The following ERG variants were observed in gnomAD, a reference collection of about 807,000 sequenced individuals.
ERG encodes transcriptional regulator ERG.
In ERG, 9 loss-of-function variants were observed where a neutral mutation model predicts 55.3. The observed-to-expected ratio is 0.16, with a 90% CI of 0.10 to 0.28. The LOEUF (loss-of-function observed/expected upper bound fraction) is 0.28, where lower values mean the gene tolerates loss of function less well. Ranked by LOEUF, ERG falls within the 10% of genes least tolerant of loss-of-function variation. The probability of loss-of-function intolerance (pLI) is 1.00; values close to 1 mark genes in which losing one functional copy is unlikely to be tolerated. For synonymous variants in ERG, 223 were observed against 237.3 expected (o/e 0.94, Z 0.55); for missense variants, 434 against 631.6 (o/e 0.69, Z 3.35).
intron 1 of ERG, among the ~76,000 whole-genome samples, chr21:38,652,846 C>T (rs1314977745): frequency 6.6e-6 from 1 of 152,190 alleles, no homozygotes; most frequent in Non-Finnish European, 1.5e-5. Context: ...ACCAGGTGGT[C>T]CCACTGAGGA....
chr21:38,652,964 C>T (rs1165373967), intron 1 of ERG, among the ~76,000 whole-genome samples: 1 of 152,198 alleles, frequency 6.6e-6, no homozygotes, highest in East Asian at 1.9e-4. Context: ...TTTCTAGATT[C>T]TATGGCAAGT....
At chr21:38,575,773 A>G (rs8129955) in intron 1 of ERG, 171,921 of 1,540,640 alleles carry the variant, frequency 0.11, 11,097 homozygotes, top group African/African-American at 0.26. Flanking sequence ...AACAACATAC[A>G]TAATAATAAA....
At chr21:38,391,858 T>A (rs1241378329) in intron 7 of ERG, 143 bp from the exon 8 acceptor site, 17 of 600,608 alleles carry the variant, frequency 2.8e-5, no homozygotes, top group Non-Finnish European at 3.6e-5. Flanking sequence ...TAAGGAAAAA[T>A]TTTCCTTTCT....
At chr21:38,547,209 T>A (rs1326092332) in intron 2 of ERG, among the ~76,000 whole-genome samples, 1 of 152,200 alleles carries the variant, frequency 6.6e-6, no homozygotes, top group African/African-American at 2.4e-5. Flanking sequence ...TTCTAACTTG[T>A]TGATCTCAAA....
chr21:38,573,294 G>C (rs1236254479), intron 2 of ERG, among the ~76,000 whole-genome samples: 1 of 152,212 alleles, frequency 6.6e-6, no homozygotes, highest in East Asian at 1.9e-4. Context: ...CCCCCAGCCC[G>C]ACACCCGTAA....
chr21:38,458,329 C>A (rs1391695382), intron 1 of ERG, among the ~76,000 whole-genome samples: 1 of 150,700 alleles, frequency 6.6e-6, no homozygotes, highest in Non-Finnish European at 1.5e-5. Context: ...TAGGCCGAGG[C>A]TGGAGAATAG....
intron 1 of ERG, among the ~76,000 whole-genome samples, chr21:38,604,202 C>T (rs983841225): frequency 3.4e-5 from 5 of 149,078 alleles, no homozygotes; most frequent in Admixed American, 6.7e-5. Flanking sequence ...TGCAGTGAGC[C>T]GAGATCGCAC....
intron 2 of ERG, among the ~76,000 whole-genome samples, chr21:38,425,842 C>A (rs979091): frequency 0.67 from 101,644 of 152,060 alleles, 34,446 homozygotes; most frequent in East Asian, 0.85. Flanking sequence ...GAGGCAGGAG[C>A]GCACTTTCTG....
intron 1 of ERG, among the ~76,000 whole-genome samples, chr21:38,473,796 G>A (rs73215933): frequency 6.5e-5 from 3 of 46,496 alleles, no homozygotes; most frequent in African/African-American, 1.2e-4. Context: ...ATATATATAT[G>A]TGTGTGTGTG....
intron 1 of ERG, among the ~76,000 whole-genome samples, chr21:38,481,555 T>A (rs1296098515): frequency 1.3e-5 from 2 of 152,238 alleles, no homozygotes; most frequent in Non-Finnish European, 2.9e-5. Context: ...GTTTTACTAT[T>A]TGGCTTAGAT....
chr21:38,409,737 T>C (rs890864704), intron 3 of ERG, among the ~76,000 whole-genome samples: 7 of 152,058 alleles, frequency 4.6e-5, no homozygotes, highest in Admixed American at 1.3e-4. Flanking sequence ...GTGGCTGCAG[T>C]GGAGGATTTC....
intron 1 of ERG, among the ~76,000 whole-genome samples, chr21:38,652,452 G>A (rs913442332): frequency 1.3e-5 from 2 of 152,190 alleles, no homozygotes; most frequent in Non-Finnish European, 2.9e-5. Context: ...ATATGACAAG[G>A]TTGTTTAAAA....
intron 2 of ERG, among the ~76,000 whole-genome samples, chr21:38,573,232 C>T (rs964891312): frequency 5.3e-5 from 8 of 152,200 alleles, no homozygotes; most frequent in African/African-American, 1.7e-4. Flanking sequence ...CAAGGTTTCT[C>T]CCATGTGATA....
intron 1 of ERG, among the ~76,000 whole-genome samples, chr21:38,462,015 C>A (rs557623583): frequency 1.6e-4 from 24 of 151,216 alleles, no homozygotes; most frequent in African/African-American, 5.8e-4. Context: ...GGAGTCTCGC[C>A]CTGTTGCCCA....
intron 1 of ERG, among the ~76,000 whole-genome samples, chr21:38,624,650 G>A (rs2146948277): frequency 6.6e-6 from 1 of 152,230 alleles, no homozygotes. Flanking sequence ...TTGAATCTCA[G>A]CACCGCTCAC....
intron 3 of ERG, among the ~76,000 whole-genome samples, chr21:38,419,930 T>C (rs1989460517): frequency 6.6e-6 from 1 of 152,184 alleles, no homozygotes; most frequent in African/African-American, 2.4e-5. Flanking sequence ...CTCCGTACAG[T>C]ACAAATTTCC....
At chr21:38,599,291 G>A (rs2060149889) in intron 1 of ERG, among the ~76,000 whole-genome samples, 2 of 151,814 alleles carry the variant, frequency 1.3e-5, no homozygotes, top group Non-Finnish European at 2.9e-5. Context: ...GAAAGAGGCT[G>A]GAGGTGTACC....
chr21:38,449,601 G>A (rs549516196), intron 1 of ERG, among the ~76,000 whole-genome samples: 1 of 152,216 alleles, frequency 6.6e-6, no homozygotes, highest in East Asian at 1.9e-4. Context: ...TTAGAACACT[G>A]AAAAAGAAAA....
chr21:38,379,528 A>G (rs930725212), downstream of ERG, among the ~76,000 whole-genome samples: 21 of 152,166 alleles, frequency 1.4e-4, no homozygotes, highest in African/African-American at 4.8e-4. Flanking sequence ...AAGTTTCTAC[A>G]TATAACATGC....
Sources: gnomAD v4.1 joint callset for allele counts (sites outside exome capture counted in the v4.1 genomes callset) on GRCh38, gnomAD v4.1.1 for gene constraint, MANE v1.5 for transcripts, NCBI Gene and HGNC (gene_info 2026-07-23, HGNC 2026-07-21) for gene names.